Variants in SULT1C2 observed in about 807,000 individuals in gnomAD.
The protein encoded by SULT1C2 is sulfotransferase family 1C member 2.
SULT1C2 carries 27 observed loss-of-function variants against 36.0 expected under a neutral mutation model. The observed-to-expected ratio is 0.75, with a 90% CI of 0.55 to 1.03. SULT1C2 has a LOEUF of 1.03. Ranked by LOEUF, SULT1C2 falls within the 50% of genes least tolerant of loss-of-function variation. The pLI is 0.00. For synonymous variants in SULT1C2, 121 were observed against 116.0 expected (o/e 1.04, Z -0.27); for missense variants, 395 against 359.2 (o/e 1.10, Z -0.80).
At chr2:108,305,063 T>C (rs772572743) in intron 5 of SULT1C2, 109 bp from the exon 6 acceptor site, 19 of 1,213,164 alleles carry the variant, frequency 1.6e-5, no homozygotes, top group Non-Finnish European at 2.0e-5. Flanking sequence ...ACATATCTAA[T>C]ACAGAATTTG....
rs747599431 is a variant in SULT1C2, at chr2:108,294,333, G to A, written c.256G>A (p.Ala86Thr). 3.2e-5 allele frequency: 51 copies of A among 1,613,362 alleles called. No homozygotes were observed. Among genetic ancestry groups the A allele is most frequent in the Middle Eastern group, 1.6e-4 (1 of 6,084 alleles). ...ACACCGCCATCCTTTCATTGAGTGG[G>A]CTCGGCCACCCCAACCTTCTGGTGA... ...IQHRHPFIEWARPPQPSGVEK... is the reference protein window; with the variant it reads ...IQHRHPFIEWTRPPQPSGVEK... Residue 86 changes from alanine to threonine, a missense_variant, in exon 3 of 8, where the codon GCT becomes ACT. Physicochemically the swap from Ala to Thr is moderately conservative, Grantham distance 58 (BLOSUM62 0). Coordinates refer to ENST00000251481, the MANE Select transcript of SULT1C2 (RefSeq NM_001056.4).
Position 108,289,720 on chromosome 2 carries a change from G to A in SULT1C2, c.-22+650G>A, listed in dbSNP as rs977819428. On this transcript the variant is annotated intron_variant, in intron 1 of 7. Transcript: ENST00000251481. ...CTGACTCTCCAAGGGCAGGAACCAT[G>A]TGCTGATGTGGCCCAGCAATGAGGG... is the stretch of plus-strand genomic sequence containing the variant. 2.0e-5 allele frequency among the ~76,000 whole-genome samples: 3 copies of A among 152,282 alleles called. No homozygotes were observed. In the South Asian group the frequency reaches 6.2e-4, roughly 32 times the overall value.
intron 1 of SULT1C2, among the ~76,000 whole-genome samples, chr2:108,289,336 A>G (rs544841905): frequency 2.6e-5 from 4 of 151,552 alleles, no homozygotes; most frequent in African/African-American, 9.7e-5. Flanking sequence ...TTTCCCAAAT[A>G]CCCTCCCTGT....
Position 108,308,626 on chromosome 2 carries a change from T to G in SULT1C2, c.*162T>G, listed in dbSNP as rs1677080108. The stretch of plus-strand genomic sequence containing the variant: ...TAACAGTATGTCACCACTTCATTTT[T>G]TAAAAAGGATCACGTCTAATGCCCA... On this transcript the variant is annotated 3_prime_UTR_variant, in exon 8 of 8. Transcript: ENST00000251481. 2 of 569,220 alleles carry G rather than the reference T, an allele frequency of 3.5e-6. No individual in the cohort carries two copies. The highest frequency in any genetic ancestry group is 2.9e-6 in the Non-Finnish European group (1 of 340,720). 35.3% of individuals were successfully genotyped at this position (569,220 alleles called of 1,614,324 possible). A position where few individuals can be genotyped will look rare whatever the true frequency, so the allele number is the denominator to read the frequency against.
At position 108,309,154 on chromosome 2, in the gene SULT1C2, TCAA is replaced by T. The variant is rs1677095705; in HGVS notation, c.*695_*697del. On this transcript the variant is annotated 3_prime_UTR_variant, in exon 8 of 8. Transcript: ENST00000251481. ...CAGAAAGGAGGAGACAGGATGGCTG[TCAA>T]CAACGTCAGCATGGGCATGGCTCCC... The T allele has an allele frequency of 6.6e-6, 1 of 152,178 alleles. No homozygotes were observed. The highest frequency in any genetic ancestry group is 2.4e-5 in the African/African-American group (1 of 41,428). The allele number at this position is 152,178 out of a possible 1,614,324, so 9.4% of individuals were successfully genotyped here. A position where few individuals can be genotyped will look rare whatever the true frequency, so the allele number is the denominator to read the frequency against.
chr2:108,301,041 GTC>G, intron 4 of SULT1C2, 106 bp downstream of exon 4: 1 of 1,389,620 alleles, frequency 7.2e-7, no homozygotes, highest in Admixed American at 2.1e-5. Context: ...CCTCTCCACT[GTC>G]TCTGATGCTT....
Position 108,305,213 on chromosome 2 carries a change from G to A in SULT1C2, c.544G>A (p.Glu182Lys), listed in dbSNP as rs1181277052. 6.2e-7 allele frequency: 1 copy of A among 1,614,108 alleles called. No individual in the cohort carries two copies. Among genetic ancestry groups the A allele is most frequent in the Non-Finnish European group, 8.5e-7 (1 of 1,180,040 alleles). Residue 182 changes from glutamate to lysine, a missense_variant, in exon 6 of 8, where the codon GAG becomes AAG. Transcript: ENST00000251481. ...GTTTGACCACGTGAAAGGATGGTGG[G>A]AGATGAAAGACAGACACCAGATTCT... Reference protein sequence around the residue: ...SWFDHVKGWWEMKDRHQILFL... With the variant: ...SWFDHVKGWWKMKDRHQILFL...
At chr2:108,299,648 ACTTTT>A (rs1676823576) in intron 3 of SULT1C2, 1 of 152,224 alleles carries the variant, frequency 6.6e-6, no homozygotes, top group Non-Finnish European at 1.5e-5. Flanking sequence ...TGGTTTTCCA[ACTTTT>A]CTTTTTAGTA....
At chr2:108,305,139 T>G in intron 5 of SULT1C2, 33 bp from the exon 6 acceptor site, 4 of 1,612,302 alleles carry the variant, frequency 2.5e-6, no homozygotes, top group Non-Finnish European at 3.4e-6. Flanking sequence ...GTGATGCCTA[T>G]GTAGACTATT....
intron 1 of SULT1C2, among the ~76,000 whole-genome samples, chr2:108,292,336 ATCT>A (rs370307463): frequency 6.6e-6 from 1 of 151,950 alleles, no homozygotes; most frequent in East Asian, 1.9e-4. Context: ...AGTGATTTAC[ATCT>A]TCTGCTTTCT....
At chr2:108,306,421 A>T (rs1677026377) in intron 7 of SULT1C2, among the ~76,000 whole-genome samples, 6 of 143,126 alleles carry the variant, frequency 4.2e-5, no homozygotes. Flanking sequence ...ACTGGGCAAC[A>T]CAGCAAGACC....
At chr2:108,300,643 C>A in intron 3 of SULT1C2, 195 bp from the exon 4 acceptor site, 1 of 855,786 alleles carries the variant, frequency 1.2e-6, no homozygotes, top group Non-Finnish European at 1.7e-6. Context: ...TCTAAGGCCC[C>A]ATCCAGGACT....
rs753910373 is a variant in SULT1C2 at position 108,305,227 on chromosome 2, A to G, written c.558A>G (p.Arg186=). 2.5e-6 allele frequency: 4 copies of G among 1,614,222 alleles called. No homozygotes were observed. The highest frequency in any genetic ancestry group is 4.5e-5 in the East Asian group (2 of 44,882). Residue 186 remains arginine (R), a synonymous_variant, in exon 6 of 8, where the codon AGA becomes AGG. Transcript: ENST00000251481. ...AAGGATGGTGGGAGATGAAAGACAG[A>G]CACCAGATTCTCTTCCTCTTCTATG... The part of the protein sequence containing the change: ...HVKGWWEMKD[R]HQILFLFYED...
chr2:108,304,560 T>G lies in SULT1C2; in HGVS notation c.376-14T>G, dbSNP rs954628376. 6.3e-7 allele frequency: 1 copy of G among 1,591,158 alleles called. No individual in the cohort carries two copies. Among genetic ancestry groups the G allele is most frequent in the Admixed American group, 1.8e-5 (1 of 54,408 alleles). On this transcript the variant is annotated splice_polypyrimidine_tract_variant and intron_variant, in intron 4 of 7. Transcript: ENST00000251481. ...TTATACCATCTTTTACCCACCTCTT[T>G]TCTTACCCCAAAGTTCCTTTATGTA... is the stretch of plus-strand genomic sequence containing the variant.
chr2:108,304,366 TA>T, intron 4 of SULT1C2: 1 of 461,290 alleles, frequency 2.2e-6, no homozygotes. Flanking sequence ...ATTAGCTAAT[TA>T]AAAGGACTGA....
intron 3 of SULT1C2, chr2:108,299,881 C>T (rs1676829479): frequency 6.6e-6 from 1 of 152,196 alleles, no homozygotes; most frequent in Admixed American, 6.5e-5. Context: ...TACAATGGAA[C>T]ATTACTCAGT....
At chr2:108,301,346 C>G (rs1205733677) in intron 4 of SULT1C2, 1 of 157,322 alleles carries the variant, frequency 6.4e-6, no homozygotes, top group Non-Finnish European at 1.4e-5. Flanking sequence ...AATCCCAGCA[C>G]TTTGGGAGGC....
intron 4 of SULT1C2, chr2:108,303,795 C>T (rs1427834022): frequency 6.6e-6 from 1 of 152,232 alleles, no homozygotes. Flanking sequence ...AGCACCACTA[C>T]TCCAAGCTGT....
intron 4 of SULT1C2, chr2:108,302,774 A>C (rs1286217461): frequency 6.6e-6 from 1 of 152,258 alleles, no homozygotes; most frequent in Non-Finnish European, 1.5e-5. Flanking sequence ...AGACACAGAA[A>C]TATTAAGTAA....
Sources: gnomAD v4.1 joint callset for allele counts (sites outside exome capture counted in the v4.1 genomes callset) on GRCh38, gnomAD v4.1.1 for gene constraint, MANE v1.5 for transcripts, NCBI Gene and HGNC (gene_info 2026-07-23, HGNC 2026-07-21) for gene names.